The following SRPK2 variants were observed in gnomAD, a reference collection of about 807,000 sequenced individuals.
The protein encoded by SRPK2 is SFRS protein kinase 2.
SRPK2 carries 21 observed loss-of-function variants against 90.8 expected under a neutral mutation model. The ratio of observed to expected loss-of-function variants is 0.23; its 90% CI spans 0.16 to 0.33. The LOEUF is 0.33. Among genes scored for constraint, SRPK2 ranks in the 10% least tolerant of loss-of-function variants. The pLI, the probability that SRPK2 is intolerant of heterozygous loss-of-function variation, is 1.00. For missense variants in SRPK2, 620 were observed against 869.0 expected (o/e 0.71, Z 3.60); for synonymous variants, 288 against 311.1 (o/e 0.93, Z 0.78).
At chr7:105,302,123 A>T in intron 2 of SRPK2, 1 of 1,471,134 alleles carries the variant, frequency 6.8e-7, no homozygotes, top group Non-Finnish European at 9.5e-7. Flanking sequence ...GCATTCTTTA[A>T]AAAGTAAAAC....
intron 2 of SRPK2, among the ~76,000 whole-genome samples, chr7:105,227,427 T>C (rs2129618384): frequency 6.6e-6 from 1 of 152,308 alleles, no homozygotes. Flanking sequence ...AGGATCTGAA[T>C]AGATGTTCCT....
At chr7:105,119,966 G>C (rs1800096088) in intron 15 of SRPK2, among the ~76,000 whole-genome samples, 1 of 152,186 alleles carries the variant, frequency 6.6e-6, no homozygotes, top group Non-Finnish European at 1.5e-5. Flanking sequence ...GGCAGTAAAA[G>C]AACAGTCAAA....
At chr7:105,280,658 G>C (rs892543024) in intron 2 of SRPK2, among the ~76,000 whole-genome samples, 5 of 42,920 alleles carry the variant, frequency 1.2e-4, no homozygotes, top group Admixed American at 2.5e-4. Context: ...TAAAAAAAAG[G>C]GGGGGGGGGC....
intron 11 of SRPK2, 34 bp from the exon 12 acceptor site, chr7:105,133,138 C>A: frequency 1.2e-6 from 2 of 1,602,256 alleles, no homozygotes; most frequent in Non-Finnish European, 1.7e-6. Flanking sequence ...AGTTAGTGAT[C>A]GGGATAGGTG....
At chr7:105,327,727 G>A (rs1280702432) in intron 2 of SRPK2, among the ~76,000 whole-genome samples, 1 of 152,204 alleles carries the variant, frequency 6.6e-6, no homozygotes, top group Non-Finnish European at 1.5e-5. Flanking sequence ...TTAGCTGAAT[G>A]AATGAAAGAA....
chr7:105,145,395 T>A (rs1301417930), intron 8 of SRPK2, 87 bp from the exon 9 acceptor site: 2 of 948,884 alleles, frequency 2.1e-6, no homozygotes, highest in African/African-American at 3.3e-5. Context: ...AGTGAAATAA[T>A]TATTGTCTTT....
intron 8 of SRPK2, among the ~76,000 whole-genome samples, chr7:105,145,999 C>T (rs189286832): frequency 2.6e-5 from 4 of 152,262 alleles, no homozygotes; most frequent in Admixed American, 2.6e-4. Context: ...CCCGACCCCG[C>T]CCCAGAAATA....
At chr7:105,365,719 A>ATCAG (rs1476134020) in intron 2 of SRPK2, among the ~76,000 whole-genome samples, 1 of 151,512 alleles carries the variant, frequency 6.6e-6, no homozygotes, top group Non-Finnish European at 1.5e-5. Context: ...GGATCATGTG[A>ATCAG]GCTTAGTAGG....
intron 7 of SRPK2, among the ~76,000 whole-genome samples, chr7:105,160,069 C>A (rs1423449126): frequency 6.6e-6 from 1 of 152,128 alleles, no homozygotes; most frequent in African/African-American, 2.4e-5. Flanking sequence ...CAGAATTTAA[C>A]CACGTTATAA....
chr7:105,169,397 A>G (rs925747259), intron 3 of SRPK2, 132 bp from the exon 4 acceptor site: 27 of 653,990 alleles, frequency 4.1e-5, no homozygotes, highest in Non-Finnish European at 7.0e-5. Context: ...AACATGTTTA[A>G]TAATACAACA....
intron 2 of SRPK2, among the ~76,000 whole-genome samples, chr7:105,338,315 A>T (rs539966440): frequency 1.3e-5 from 2 of 152,312 alleles, no homozygotes; most frequent in African/African-American, 4.8e-5. Flanking sequence ...CGCTCACTGC[A>T]ACCTCCACAT....
rs984517097 is a variant in SRPK2 at position 105,165,735 on chromosome 7, G to A, written c.514+1642C>T. Among the ~76,000 whole-genome samples, 43 of 152,192 alleles carry A rather than the reference G, an allele frequency of 2.8e-4. 1 individual carries two copies. The highest frequency in any genetic ancestry group is 2.0e-4 in the Admixed American group (3 of 15,276). On this transcript the variant is annotated intron_variant, in intron 6 of 15. Coordinates refer to ENST00000393651, the MANE Select transcript of SRPK2 (RefSeq NM_182692.3). ...CTCCAACGTGGGCACGGACAAATGA[G>A]GGAATAAAAGCTGGCCACCCGAACC...
intron 2 of SRPK2, among the ~76,000 whole-genome samples, chr7:105,208,583 A>C (rs1796481095): frequency 6.6e-6 from 1 of 152,174 alleles, no homozygotes; most frequent in Non-Finnish European, 1.5e-5. Context: ...TGTCTAGAAC[A>C]GATAAATTTA....
At chr7:105,291,633 G>A (rs999856152) in intron 2 of SRPK2, among the ~76,000 whole-genome samples, 1 of 152,182 alleles carries the variant, frequency 6.6e-6, no homozygotes, top group Non-Finnish European at 1.5e-5. Context: ...GGGAAGCTGA[G>A]GCACAAGAAT....
chr7:105,139,415 A>G (rs1346776191), intron 11 of SRPK2, among the ~76,000 whole-genome samples: 1 of 152,250 alleles, frequency 6.6e-6, no homozygotes, highest in Non-Finnish European at 1.5e-5. Context: ...AGAGAAAAAA[A>G]GAAGACATCC....
chr7:105,354,128 A>C (rs770636619), intron 2 of SRPK2, among the ~76,000 whole-genome samples: 10 of 152,176 alleles, frequency 6.6e-5, no homozygotes, highest in Non-Finnish European at 1.0e-4. Flanking sequence ...GAATGTGCCA[A>C]AATAAGCAAC....
At chr7:105,244,994 G>C (rs930349696) in intron 2 of SRPK2, 3 of 986,038 alleles carry the variant, frequency 3.0e-6, no homozygotes, top group African/African-American at 3.3e-5. Flanking sequence ...CCCTCTCCCT[G>C]AAATAAAGAA....
At chr7:105,228,818 G>A (rs1043724014) in intron 2 of SRPK2, among the ~76,000 whole-genome samples, 5 of 152,170 alleles carry the variant, frequency 3.3e-5, no homozygotes, top group Non-Finnish European at 5.9e-5. Context: ...CCGTGTTGGC[G>A]CCTGGAGCAG....
intron 2 of SRPK2, among the ~76,000 whole-genome samples, chr7:105,304,776 T>C (rs1563216865): frequency 6.6e-6 from 1 of 152,012 alleles, no homozygotes; most frequent in Non-Finnish European, 1.5e-5. Flanking sequence ...AAACAGATGA[T>C]ATATAGACAA....
Sources: gnomAD v4.1 joint callset for allele counts (sites outside exome capture counted in the v4.1 genomes callset) on GRCh38, gnomAD v4.1.1 for gene constraint, MANE v1.5 for transcripts, NCBI Gene and HGNC (gene_info 2026-07-23, HGNC 2026-07-21) for gene names.